The following GSR variants were observed in gnomAD, a reference collection of about 807,000 sequenced individuals.
GSR encodes the protein glutathione-disulfide reductase, also known as glutathione reductase, mitochondrial.
GSR carries 48 observed loss-of-function variants against 56.5 expected under a neutral mutation model. That is an observed-to-expected ratio of 0.85 (90% CI 0.67 to 1.08). GSR has a LOEUF of 1.08. GSR is among the 50% of genes least tolerant of loss of function. The pLI, the probability that GSR is intolerant of heterozygous loss-of-function variation, is 0.00. For synonymous variants in GSR, 264 were observed against 270.8 expected, an observed-to-expected ratio of 0.97 and a Z score of 0.25; for missense variants, 694 against 703.3, an observed-to-expected ratio of 0.99 and a Z score of 0.15.
chr8:30,719,981 G>A (rs1239625712), intron 1 of GSR, among the ~76,000 whole-genome samples: 2 of 152,126 alleles, frequency 1.3e-5, no homozygotes, highest in African/African-American at 2.4e-5. Flanking sequence ...GAGGTGAGGT[G>A]GGAGGACTGC....
Position 30,679,650 on chromosome 8 carries a change from T to C in GSR, c.1439A>G (p.Gln480Arg). Reference protein sequence around the residue: ...KEEKVVGIHMQGLGCDEMLQG... With the variant: ...KEEKVVGIHMRGLGCDEMLQG... ...CAGCATTTCATCACACCCAAGTCCC[T>C]GCATATGGATCCCAACCACCTGGGA... The change falls in exon 13 of 13, where the codon CAG becomes CGG. Residue 480 changes from glutamine to arginine, a missense_variant. Gln to Arg is a conservative substitution (Grantham distance 43). Coordinates refer to ENST00000221130, the MANE Select transcript of GSR (RefSeq NM_000637.5). The C allele has an allele frequency of 1.2e-6, 2 of 1,613,694 alleles. No homozygotes were observed. The highest frequency in any genetic ancestry group is 2.7e-5 in the African/African-American group (2 of 74,958).
chr8:30,713,718 ATC>A (rs1373697172), intron 1 of GSR, among the ~76,000 whole-genome samples: 1 of 152,214 alleles, frequency 6.6e-6, no homozygotes, highest in African/African-American at 2.4e-5. Flanking sequence ...AATATTTTTC[ATC>A]TGTCAGATTG....
chr8:30,690,022 G>T (rs144273229), intron 8 of GSR, among the ~76,000 whole-genome samples: 1 of 132,874 alleles, frequency 7.5e-6, no homozygotes, highest in Non-Finnish European at 1.6e-5. Flanking sequence ...TATATAATAC[G>T]TATATTTATA....
At chr8:30,681,120 C>T in intron 11 of GSR, 83 bp from the exon 12 acceptor site, 1 of 1,133,800 alleles carries the variant, frequency 8.8e-7, no homozygotes, top group South Asian at 1.2e-5. Flanking sequence ...ACCAGAAATA[C>T]ATAACCTCAA....
chr8:30,684,089 T>C lies in GSR; in HGVS notation c.1152A>G (p.Pro384=), dbSNP rs1197310891. The C allele has an allele frequency of 2.0e-6, 3 of 1,490,980 alleles. No homozygotes were observed. The highest frequency in any genetic ancestry group is 2.3e-5 in the East Asian group (1 of 44,318). The allele number at this position is 1,490,980 out of a possible 1,614,324, so 92.4% of individuals were successfully genotyped here. Residue 384 remains proline, a splice_region_variant and synonymous_variant, in exon 10 of 13, where the codon CCA becomes CCG. Transcript: ENST00000221130. ...GDVCGKALLT[P]VAIAAGRKLA... is the part of the protein sequence containing the mutation. The stretch of plus-strand genomic sequence containing the variant: ...CACCAAGAAGGGAAGAGACCTTACC[T>C]GGAGTAAGAAGAGCTTTTCCACATA...
intron 10 of GSR, among the ~76,000 whole-genome samples, chr8:30,683,604 T>A (rs980793518): frequency 1.3e-5 from 2 of 151,904 alleles, no homozygotes; most frequent in Admixed American, 6.6e-5. Context: ...CAAGACAACA[T>A]GGTAAAACCC....
chr8:30,698,196 CAAAGAT>C (rs1803614784), intron 6 of GSR, among the ~76,000 whole-genome samples: 1 of 152,142 alleles, frequency 6.6e-6, no homozygotes, highest in East Asian at 1.9e-4. Context: ...AACACCGTAA[CAAAGAT>C]AAAGTAGACT....
At chr8:30,697,238 C>T (rs8190994) in intron 6 of GSR, among the ~76,000 whole-genome samples, 5 of 151,852 alleles carry the variant, frequency 3.3e-5, no homozygotes, top group African/African-American at 7.3e-5. Flanking sequence ...ACATGGTGAA[C>T]CCCGTCTCTA....
At position 30,727,737 on chromosome 8, in the gene GSR, G is replaced by A. The variant is rs905034418; in HGVS notation, c.99C>T (p.Pro33=). Residue 33 remains proline (P), a synonymous_variant, in exon 1 of 13, where the codon CCC becomes CCT. Coordinates refer to ENST00000221130, the MANE Select transcript of GSR (RefSeq NM_000637.5). ...FRGFLLLLPE[P]AALTRALSRA... is the part of the protein sequence containing the mutation. The stretch of plus-strand genomic sequence containing the variant: ...GGGAGAGGGCGCGCGTGAGGGCCGC[G>A]GGCTCGGGCAGAAGCAGCAGGAAGC... 6.6e-5 allele frequency: 93 copies of A among 1,401,970 alleles called. No homozygotes were observed. The highest frequency in any genetic ancestry group is 8.6e-5 in the Non-Finnish European group (93 of 1,081,454). The allele number at this position is 1,401,970 out of a possible 1,614,324, so 86.8% of individuals were successfully genotyped here.
chr8:30,698,045 G>A (rs779885244), intron 6 of GSR, among the ~76,000 whole-genome samples: 9 of 151,942 alleles, frequency 5.9e-5, no homozygotes, highest in East Asian at 1.9e-4. Context: ...TCTTTACCTC[G>A]TTGCAGCCCC....
intron 1 of GSR, among the ~76,000 whole-genome samples, chr8:30,718,265 C>T (rs1804405525): frequency 6.6e-6 from 1 of 152,072 alleles, no homozygotes; most frequent in African/African-American, 2.4e-5. Flanking sequence ...CTCTAGCTGA[C>T]CTGTGCATCA....
At position 30,709,811 on chromosome 8, in the gene GSR, T is replaced by TA; in HGVS notation, c.422+2dup. 1 of 1,512,562 alleles carries TA rather than the reference T, an allele frequency of 6.6e-7. No homozygotes were observed. Among genetic ancestry groups the TA allele is most frequent in the Non-Finnish European group, 9.2e-7 (1 of 1,087,830 alleles). The allele number at this position is 1,512,562 out of a possible 1,614,324, so 93.7% of individuals were successfully genotyped here. The stretch of plus-strand genomic sequence containing the variant: ...ACTGAACCCTCTGAGTGTTGACACT[T>TA]ACCGCCAATTGAATTTACCCTCACA... On this transcript the variant is annotated splice_region_variant and intron_variant, in intron 3 of 12. Transcript: ENST00000221130.
chr8:30,681,888 A>T, intron 11 of GSR, 42 bp downstream of exon 11: 1 of 1,597,238 alleles, frequency 6.3e-7, no homozygotes, highest in East Asian at 2.2e-5. Flanking sequence ...CAGGGGAAAG[A>T]GGAAGGAAAC....
At chr8:30,727,425 GC>G in intron 1 of GSR, 104 bp downstream of exon 1, 2 of 1,132,914 alleles carry the variant, frequency 1.8e-6, no homozygotes, top group Non-Finnish European at 2.5e-6. Flanking sequence ...AAAGAGGAAA[GC>G]CCAGCGCCGG....
At chr8:30,701,325 G>C (rs1803731954) in intron 5 of GSR, among the ~76,000 whole-genome samples, 1 of 152,092 alleles carries the variant, frequency 6.6e-6, no homozygotes, top group Admixed American at 6.6e-5. Flanking sequence ...AATTAGCTGA[G>C]TGTGGTGGCG....
At chr8:30,690,188 T>TTTG (rs1310780565) in intron 8 of GSR, among the ~76,000 whole-genome samples, 1 of 93,144 alleles carries the variant, frequency 1.1e-5, no homozygotes, top group East Asian at 3.8e-4. Context: ...TTATTTATTT[T>TTTG]TCTTTAAGAG....
intron 1 of GSR, among the ~76,000 whole-genome samples, chr8:30,713,325 C>T (rs1445047205): frequency 6.6e-6 from 1 of 151,946 alleles, no homozygotes; most frequent in Non-Finnish European, 1.5e-5. Flanking sequence ...TCATGAGCCA[C>T]TGTGCCCAGC....
chr8:30,699,303 T>C (rs376782928), intron 6 of GSR, among the ~76,000 whole-genome samples: 5 of 150,572 alleles, frequency 3.3e-5, no homozygotes, highest in South Asian at 4.2e-4. Flanking sequence ...AAAAAAAAAA[T>C]GTTTGTTCAT....
intron 9 of GSR, among the ~76,000 whole-genome samples, chr8:30,687,014 A>G (rs959477286): frequency 6.6e-6 from 1 of 151,320 alleles, no homozygotes; most frequent in Non-Finnish European, 1.5e-5. Flanking sequence ...TTTTTGTATT[A>G]TTAGTAGAGA....
Sources: gnomAD v4.1 joint callset for allele counts (sites outside exome capture counted in the v4.1 genomes callset) on GRCh38, gnomAD v4.1.1 for gene constraint, MANE v1.5 for transcripts, NCBI Gene and HGNC (gene_info 2026-07-23, HGNC 2026-07-21) for gene names.